Variants in SMYD3 observed in about 807,000 individuals in gnomAD.
SMYD3 encodes histone-lysine N-methyltransferase SMYD3.
In SMYD3, 36 loss-of-function variants were observed where a neutral mutation model predicts 57.7. That is an observed-to-expected ratio of 0.62 (90% CI 0.48 to 0.82). The LOEUF is 0.82. Ranked by LOEUF, SMYD3 falls within the 40% of genes least tolerant of loss-of-function variation. The pLI is 0.00. For synonymous variants in SMYD3, 211 were observed against 195.0 expected (o/e 1.08, Z -0.68); for missense variants, 515 against 538.8 (o/e 0.96, Z 0.44).
rs138655578 is a variant in SMYD3, at chr1:246,145,319, T to A, written c.531+181882A>T. Among the ~76,000 whole-genome samples, 240 of 152,342 alleles carry A rather than the reference T, an allele frequency of 1.6e-3. 1 individual carries two copies. Among genetic ancestry groups the A allele is most frequent in the African/African-American group, 5.4e-3 (225 of 41,578 alleles). On this transcript the variant is annotated intron_variant, in intron 5 of 11. Transcript: ENST00000490107. ...TGTCAGGAATATTAGTTATAATGTA[T>A]GTAGTGTCAGCAGCGAATAGCTCAA...
At chr1:246,462,178 G>A (rs759999336) in intron 1 of SMYD3, among the ~76,000 whole-genome samples, 16 of 143,098 alleles carry the variant, frequency 1.1e-4, no homozygotes, top group South Asian at 2.2e-4. Context: ...AGAAGAATTC[G>A]CCTGCTGGGT....
chr1:246,184,409 A>G (rs1193566306), intron 5 of SMYD3, among the ~76,000 whole-genome samples: 3 of 152,188 alleles, frequency 2.0e-5, no homozygotes, highest in Non-Finnish European at 4.4e-5. Flanking sequence ...ATTGGCATCA[A>G]ACTCACCAAC....
intron 5 of SMYD3, among the ~76,000 whole-genome samples, chr1:246,046,486 G>A (rs2059967297): frequency 6.6e-6 from 1 of 152,002 alleles, no homozygotes; most frequent in Non-Finnish European, 1.5e-5. Flanking sequence ...GGGGCGGTGG[G>A]AGTGGGGAGG....
At chr1:245,859,478 G>A (rs774429617) in intron 9 of SMYD3, among the ~76,000 whole-genome samples, 1 of 152,124 alleles carries the variant, frequency 6.6e-6, no homozygotes, top group Non-Finnish European at 1.5e-5. Context: ...GAGTGACTTC[G>A]CTTTTTAAAA....
At chr1:246,409,705 C>A (rs1572473753) in intron 1 of SMYD3, among the ~76,000 whole-genome samples, 1 of 152,238 alleles carries the variant, frequency 6.6e-6, no homozygotes, top group Admixed American at 6.5e-5. Context: ...TTTTCCAATT[C>A]TGTGAAGAAA....
chr1:246,217,374 T>C (rs985333996), intron 5 of SMYD3, among the ~76,000 whole-genome samples: 1 of 151,978 alleles, frequency 6.6e-6, no homozygotes, highest in East Asian at 1.9e-4. Context: ...CTGGGCGTGG[T>C]GATGTGTGCC....
At chr1:246,006,431 C>T (rs2059170443) in intron 5 of SMYD3, among the ~76,000 whole-genome samples, 1 of 152,088 alleles carries the variant, frequency 6.6e-6, no homozygotes, top group Non-Finnish European at 1.5e-5. Flanking sequence ...CTGGGACGTG[C>T]TCCCTGTTTC....
At chr1:246,015,510 T>A (rs1348006118) in intron 5 of SMYD3, among the ~76,000 whole-genome samples, 3 of 152,196 alleles carry the variant, frequency 2.0e-5, no homozygotes, top group Non-Finnish European at 4.4e-5. Flanking sequence ...ACATTTATAT[T>A]GTTGCACAAC....
chr1:245,887,550 G>T (rs1268955388), intron 8 of SMYD3, among the ~76,000 whole-genome samples: 1 of 152,102 alleles, frequency 6.6e-6, no homozygotes. Flanking sequence ...CCCTTTTCCA[G>T]TAACATCCCC....
chr1:245,925,838 C>A (rs982098748), intron 7 of SMYD3, among the ~76,000 whole-genome samples: 1 of 152,042 alleles, frequency 6.6e-6, no homozygotes, highest in Admixed American at 6.6e-5. Context: ...CCACTATAAG[C>A]GAGAACTCAA....
At chr1:246,284,924 C>T (rs2064529242) in intron 5 of SMYD3, among the ~76,000 whole-genome samples, 1 of 150,646 alleles carries the variant, frequency 6.6e-6, no homozygotes, top group South Asian at 2.1e-4. Context: ...ATTTTAAAAA[C>T]TCATGTTTAC....
At chr1:246,209,129 T>C (rs905226948) in intron 5 of SMYD3, among the ~76,000 whole-genome samples, 2 of 152,182 alleles carry the variant, frequency 1.3e-5, no homozygotes, top group Admixed American at 6.5e-5. Context: ...CCTACTCATA[T>C]TGGTAATGTC....
chr1:245,949,059 C>G (rs2057525536), intron 5 of SMYD3, among the ~76,000 whole-genome samples: 1 of 152,202 alleles, frequency 6.6e-6, no homozygotes, highest in Non-Finnish European at 1.5e-5. Flanking sequence ...ACCGGACTGC[C>G]CAGCCGGGTG....
At chr1:246,354,605 GAA>G (rs34172535) in intron 2 of SMYD3, among the ~76,000 whole-genome samples, 6 of 143,186 alleles carry the variant, frequency 4.2e-5, no homozygotes, top group African/African-American at 7.6e-5. Flanking sequence ...ATCGTTAAAT[GAA>G]AAAAAAAAAG....
chr1:246,366,626 G>C (rs1331468047), intron 1 of SMYD3, among the ~76,000 whole-genome samples: 1 of 150,866 alleles, frequency 6.6e-6, no homozygotes, highest in Non-Finnish European at 1.5e-5. Context: ...TCAGTGACAC[G>C]CTTGGGGAGC....
intron 5 of SMYD3, among the ~76,000 whole-genome samples, chr1:246,129,361 A>G (rs527495336): frequency 6.6e-6 from 1 of 152,290 alleles, no homozygotes; most frequent in South Asian, 2.1e-4. Context: ...ATTTACACCT[A>G]AACATTACAT....
intron 1 of SMYD3, among the ~76,000 whole-genome samples, chr1:246,432,916 G>T (rs1229408202): frequency 6.6e-6 from 1 of 152,094 alleles, no homozygotes; most frequent in African/African-American, 2.4e-5. Flanking sequence ...AGGTTCAATG[G>T]ATCTATCCTA....
intron 1 of SMYD3, among the ~76,000 whole-genome samples, chr1:246,456,384 T>A (rs907574901): frequency 6.6e-6 from 1 of 152,238 alleles, no homozygotes; most frequent in Non-Finnish European, 1.5e-5. Context: ...GTTTCCCTAA[T>A]AGGCACACAA....
chr1:246,180,232 ATATG>A (rs1453943006), intron 5 of SMYD3, among the ~76,000 whole-genome samples: 2 of 147,322 alleles, frequency 1.4e-5, no homozygotes, highest in African/African-American at 4.9e-5. Context: ...ATATATACAT[ATATG>A]TATATTAGAA....
Sources: gnomAD v4.1 joint callset for allele counts (sites outside exome capture counted in the v4.1 genomes callset) on GRCh38, gnomAD v4.1.1 for gene constraint, MANE v1.5 for transcripts, NCBI Gene and HGNC (gene_info 2026-07-23, HGNC 2026-07-21) for gene names.